The following NAV3 variants were observed in gnomAD, a reference collection of about 807,000 sequenced individuals.
NAV3 encodes the protein neuron navigator 3.
Under a neutral mutation model 244.7 loss-of-function variants are expected in NAV3, and 87 were observed. The observed-to-expected ratio is 0.36, with a 90% confidence interval of 0.30 to 0.42. The LOEUF (loss-of-function observed/expected upper bound fraction) is 0.42, where lower values mean the gene tolerates loss of function less well. NAV3 is among the 20% of genes least tolerant of loss of function. The pLI, the probability that NAV3 is intolerant of heterozygous loss-of-function variation, is 1.00. For missense variants in NAV3, 2,663 were observed against 2,893.3 expected, an observed-to-expected ratio of 0.92 and a Z score of 1.83; for synonymous variants, 1,126 against 1,042.2, an observed-to-expected ratio of 1.08 and a Z score of -1.55.
intron 1 of NAV3, among the ~76,000 whole-genome samples, chr12:77,886,842 C>G (rs1883351901): frequency 6.6e-6 from 1 of 151,666 alleles, no homozygotes; most frequent in Non-Finnish European, 1.5e-5. Context: ...TGGTTTATAC[C>G]CCTCGATTTT....
intron 1 of NAV3, among the ~76,000 whole-genome samples, chr12:77,899,604 C>A (rs2619066): frequency 0.11 from 16,798 of 152,152 alleles, 1,068 homozygotes; most frequent in South Asian, 0.2. Flanking sequence ...ATAACTTTTA[C>A]ATGAGGTAGA....
At chr12:78,095,790 A>G (rs577335358) in intron 12 of NAV3, among the ~76,000 whole-genome samples, 3 of 152,316 alleles carry the variant, frequency 2.0e-5, no homozygotes, top group South Asian at 2.1e-4. Flanking sequence ...AGGTGTTTCC[A>G]TGATAGTACT....
chr12:77,893,566 G>A (rs557817846), intron 1 of NAV3, among the ~76,000 whole-genome samples: 1 of 151,040 alleles, frequency 6.6e-6, no homozygotes, highest in South Asian at 2.1e-4. Context: ...GTTTATTAAT[G>A]AAAAAACTCA....
intron 2 of NAV3, among the ~76,000 whole-genome samples, chr12:77,681,621 T>A (rs1199829596): frequency 2.0e-5 from 3 of 151,866 alleles, no homozygotes; most frequent in Non-Finnish European, 4.4e-5. Flanking sequence ...TTTTTTTCAA[T>A]AAATTTCTGG....
chr12:78,016,281 G>A (rs1479034), intron 8 of NAV3, among the ~76,000 whole-genome samples: 1 of 151,616 alleles, frequency 6.6e-6, no homozygotes, highest in African/African-American at 2.4e-5. Flanking sequence ...ATACATTGAA[G>A]CATTATTTAT....
chr12:77,827,827 A>T (rs1565830889), upstream of NAV3, among the ~76,000 whole-genome samples: 1 of 152,230 alleles, frequency 6.6e-6, no homozygotes, highest in Admixed American at 6.5e-5. Flanking sequence ...ATAGATGATG[A>T]AACTGAGACA....
intron 2 of NAV3, among the ~76,000 whole-genome samples, chr12:77,600,760 G>T (rs1267723681): frequency 6.6e-6 from 1 of 151,906 alleles, no homozygotes; most frequent in East Asian, 1.9e-4. Context: ...AATGATAATG[G>T]ATGACCTTTA....
chr12:77,994,364 G>C (rs1164126560), intron 5 of NAV3, among the ~76,000 whole-genome samples: 2 of 152,162 alleles, frequency 1.3e-5, no homozygotes, highest in Non-Finnish European at 2.9e-5. Context: ...AATTAGAAGA[G>C]TTTACTAAAG....
chr12:78,008,501 G>A (rs879312231), intron 8 of NAV3, among the ~76,000 whole-genome samples: 6 of 151,910 alleles, frequency 3.9e-5, no homozygotes, highest in Admixed American at 1.3e-4. Flanking sequence ...TCCCTCTTTC[G>A]GGCAGGTTGG....
intron 1 of NAV3, among the ~76,000 whole-genome samples, chr12:77,902,662 G>C (rs1885446554): frequency 6.6e-6 from 1 of 152,056 alleles, no homozygotes; most frequent in Admixed American, 6.6e-5. Context: ...GCAGGAGAAG[G>C]AAATAAAGGG....
intron 8 of NAV3, among the ~76,000 whole-genome samples, chr12:78,016,486 C>T (rs926595831): frequency 7.2e-5 from 11 of 152,112 alleles, no homozygotes; most frequent in South Asian, 2.1e-4. Context: ...TCCCCTGAAT[C>T]GAGTAAATCT....
intron 1 of NAV3, among the ~76,000 whole-genome samples, chr12:77,865,922 A>T (rs975981057): frequency 6.6e-6 from 1 of 152,016 alleles, no homozygotes; most frequent in Non-Finnish European, 1.5e-5. Context: ...ACATACTTTT[A>T]AAAAAATGCA....
rs149936263 is a variant in NAV3, at chr12:78,016,845, A to T, written c.1908-4902A>T. 3.0e-4 allele frequency among the ~76,000 whole-genome samples: 45 copies of T among 152,246 alleles called. 1 individual carries two copies. In the East Asian group the frequency reaches 7.9e-3, roughly 27 times the overall value. Reference sequence around the variant, plus strand: ...TGATAGTGTCTAGGATTTATTACTGAGTTCCTTTTAATGATCAGTACATAA... The same window carrying T: ...TGATAGTGTCTAGGATTTATTACTGTGTTCCTTTTAATGATCAGTACATAA... On this transcript the variant is annotated intron_variant, in intron 8 of 39. Coordinates refer to ENST00000397909, the MANE Select transcript of NAV3 (RefSeq NM_001024383.2).
At chr12:77,686,552 A>C (rs1565771899) in intron 2 of NAV3, among the ~76,000 whole-genome samples, 1 of 150,800 alleles carries the variant, frequency 6.6e-6, no homozygotes, top group African/African-American at 2.4e-5. Context: ...TCAGACTTCG[A>C]TTTGTCAGGA....
intron 12 of NAV3, among the ~76,000 whole-genome samples, chr12:78,075,715 C>T (rs1200645908): frequency 6.6e-6 from 1 of 152,204 alleles, no homozygotes; most frequent in Admixed American, 6.5e-5. Context: ...AACTAATCCA[C>T]AGTCATCAGT....
At chr12:77,738,528 CAGAA>C (rs1474173784) in intron 2 of NAV3, among the ~76,000 whole-genome samples, 1 of 152,176 alleles carries the variant, frequency 6.6e-6, no homozygotes, top group Non-Finnish European at 1.5e-5. Context: ...GTATAATTAA[CAGAA>C]GGAAGTGTTC....
chr12:77,970,863 A>G (rs1314378168), intron 5 of NAV3, among the ~76,000 whole-genome samples: 2 of 152,132 alleles, frequency 1.3e-5, no homozygotes, highest in South Asian at 2.1e-4. Context: ...AAGCAATTTA[A>G]ATAAAGAAGA....
chr12:78,159,933 G>C (rs1957456655), intron 23 of NAV3, among the ~76,000 whole-genome samples: 1 of 152,070 alleles, frequency 6.6e-6, no homozygotes, highest in African/African-American at 2.4e-5. Flanking sequence ...ACTTTGATAA[G>C]AACTTTCACA....
chr12:77,625,600 C>A (rs1342052696), intron 2 of NAV3, among the ~76,000 whole-genome samples: 1 of 152,210 alleles, frequency 6.6e-6, no homozygotes, highest in Non-Finnish European at 1.5e-5. Flanking sequence ...TGATCCACCT[C>A]ATTTCCCAGT....
Sources: gnomAD v4.1 joint callset for allele counts (sites outside exome capture counted in the v4.1 genomes callset) on GRCh38, gnomAD v4.1.1 for gene constraint, MANE v1.5 for transcripts, NCBI Gene and HGNC (gene_info 2026-07-23, HGNC 2026-07-21) for gene names.